Variants in PLEKHA8 observed in about 807,000 individuals in gnomAD.
The protein encoded by PLEKHA8 is pleckstrin homology domain containing A8.
PLEKHA8 carries 36 observed loss-of-function variants against 68.2 expected under a neutral mutation model. The ratio of observed to expected loss-of-function variants is 0.53; its 90% confidence interval spans 0.40 to 0.70. The LOEUF (loss-of-function observed/expected upper bound fraction) is 0.70, where lower values mean the gene tolerates loss of function less well. PLEKHA8 is among the 30% of genes least tolerant of loss of function. The pLI, the probability that PLEKHA8 is intolerant of heterozygous loss-of-function variation, is 0.00. For missense variants in PLEKHA8, 505 were observed against 615.4 expected (o/e 0.82, Z 1.90); for synonymous variants, 211 against 216.1 (o/e 0.98, Z 0.20).
At chr7:30,115,991 T>G (rs1224855738) in intron 13 of PLEKHA8, 1 of 135,250 alleles carries the variant, frequency 7.4e-6, no homozygotes, top group Non-Finnish European at 1.6e-5. Context: ...CATGTATGCA[T>G]ACGCATACAT....
intron 13 of PLEKHA8, among the ~76,000 whole-genome samples, chr7:30,103,590 G>A (rs1795947089): frequency 1.3e-5 from 2 of 152,212 alleles, no homozygotes; most frequent in South Asian, 2.1e-4. Context: ...TCCATGGGAC[G>A]AGAAAGTTCA....
chr7:30,071,472 A>G (rs1393061262), intron 12 of PLEKHA8, among the ~76,000 whole-genome samples: 2 of 152,178 alleles, frequency 1.3e-5, no homozygotes, highest in African/African-American at 4.8e-5. Flanking sequence ...CCCCCAACCC[A>G]GACTGGATTA....
chr7:30,083,187 C>G lies in PLEKHA8; in HGVS notation c.*4400C>G. On this transcript the variant is annotated 3_prime_UTR_variant, in exon 14 of 14. Coordinates refer to ENST00000449726, the MANE Select transcript of PLEKHA8 (RefSeq NM_001197026.2). ...TACTCTTTGTGATCTTGTAAGGGCT[C>G]TACACAAACTTCATTATGTATGGTA... The G allele has an allele frequency of 1.0e-6, 1 of 983,728 alleles. No homozygotes were observed. The allele number at this position is 983,728 out of a possible 1,614,324, so 60.9% of individuals were successfully genotyped here.
chr7:30,073,200 T>C (rs1053414714), intron 12 of PLEKHA8, among the ~76,000 whole-genome samples: 1 of 152,366 alleles, frequency 6.6e-6, no homozygotes, highest in African/African-American at 2.4e-5. Context: ...TTTAGCTTAA[T>C]AACTTCAAGC....
intron 8 of PLEKHA8, 56 bp from the exon 9 acceptor site, chr7:30,055,201 A>G (rs1792741784): frequency 6.8e-7 from 1 of 1,478,934 alleles, no homozygotes; most frequent in Non-Finnish European, 9.5e-7. Context: ...TCTGAATTGC[A>G]GAGTGCTGAT....
At position 30,115,791 on chromosome 7, in the gene PLEKHA8, C is replaced by T. The variant is rs1451673166; in HGVS notation, c.1363-13475C>T. The T allele has an allele frequency of 1.4e-5, 2 of 145,518 alleles. 1 individual carries two copies. The highest frequency in any genetic ancestry group is 5.5e-5 in the African/African-American group (2 of 36,358). 9.0% of individuals were successfully genotyped at this position (145,518 alleles called of 1,614,324 possible). A position where few individuals can be genotyped will look rare whatever the true frequency, so the allele number is the denominator to read the frequency against. On this transcript the variant is annotated intron_variant, in intron 13 of 13. Transcript: ENST00000396257. ...ACACGTATGCATGCATACATACGTG[C>T]ACATACATGTATACACGCATGCATG... is the stretch of plus-strand genomic sequence containing the variant.
chr7:30,061,839 G>GA, intron 10 of PLEKHA8, 58 bp from the exon 11 acceptor site: 1 of 1,601,132 alleles, frequency 6.2e-7, no homozygotes, highest in Non-Finnish European at 8.5e-7. Context: ...AGACTATACT[G>GA]AGTTGCTTGA....
In PLEKHA8 at chr7:30,056,746, T is replaced by TAA. The variant is rs1562870896; in HGVS notation, c.1039+1404_1039+1405insAA. Among the ~76,000 whole-genome samples the TAA allele has an allele frequency of 9.4e-3, 323 of 34,474 alleles. 9 individuals carry two copies. Among genetic ancestry groups the TAA allele is most frequent in the African/African-American group, 0.027 (301 of 11,252 alleles). 22.6% of individuals were successfully genotyped at this position (34,474 alleles called of 152,430 possible). ...TCTCAAAAAAAAAAAAAAAAAAGTG[T>TAA]GTGTGTGTGTGTGTGTGTGTGTGTG... On this transcript the variant is annotated intron_variant, in intron 9 of 13. Coordinates refer to ENST00000449726, the MANE Select transcript of PLEKHA8 (RefSeq NM_001197026.2).
chr7:30,129,106 T>C (rs1796831011), intron 13 of PLEKHA8, among the ~76,000 whole-genome samples: 1 of 152,208 alleles, frequency 6.6e-6, no homozygotes, highest in African/African-American at 2.4e-5. Context: ...TCATTCTCCT[T>C]TTCTTCCTTA....
chr7:30,038,213 A>T (rs1299060419), intron 1 of PLEKHA8, among the ~76,000 whole-genome samples: 1 of 152,168 alleles, frequency 6.6e-6, no homozygotes. Context: ...TAAAAAACTG[A>T]ACAAAATACA....
At chr7:30,123,237 A>T (rs1455455108) in intron 13 of PLEKHA8, among the ~76,000 whole-genome samples, 1 of 152,274 alleles carries the variant, frequency 6.6e-6, no homozygotes, top group Non-Finnish European at 1.5e-5. Flanking sequence ...TGGATGAAAC[A>T]GTAATGTCCA....
chr7:30,079,020 G>A lies in PLEKHA8; in HGVS notation c.*233G>A, dbSNP rs891439774. The A allele has an allele frequency of 3.9e-5, 51 of 1,297,276 alleles. No individual in the cohort carries two copies. The highest frequency in any genetic ancestry group is 6.0e-5 in the African/African-American group (4 of 67,054). The allele number at this position is 1,297,276 out of a possible 1,614,324, so 80.4% of individuals were successfully genotyped here. ...AGGCCTACTGGAAACCAAATGATAA[G>A]CTGCTGTAGACTTGAACAGCAAGTT... On this transcript the variant is annotated 3_prime_UTR_variant, in exon 14 of 14. Coordinates refer to ENST00000449726, the MANE Select transcript of PLEKHA8 (RefSeq NM_001197026.2).
chr7:30,059,136 G>C (rs764395846), intron 9 of PLEKHA8, among the ~76,000 whole-genome samples: 1 of 152,136 alleles, frequency 6.6e-6, no homozygotes, highest in Non-Finnish European at 1.5e-5. Context: ...CAAAAGCATT[G>C]AGTCTTCCAA....
In PLEKHA8 at chr7:30,084,241, T is replaced by C. The variant is rs556693104; in HGVS notation, c.*5454T>C. 53 of 985,302 alleles carry C rather than the reference T, an allele frequency of 5.4e-5. No homozygotes were observed. In the African/African-American group the frequency reaches 7.7e-4, roughly 14 times the overall value. The allele number at this position is 985,302 out of a possible 1,614,324, so 61.0% of individuals were successfully genotyped here. On this transcript the variant is annotated 3_prime_UTR_variant, in exon 14 of 14. Coordinates refer to ENST00000449726, the MANE Select transcript of PLEKHA8 (RefSeq NM_001197026.2). Reference sequence around the variant, plus strand: ...TTCCTTGGATTAATTTTTAAGTCACTGTTTAATTCCATGCCTAGTATTCTT... The same window carrying C: ...TTCCTTGGATTAATTTTTAAGTCACCGTTTAATTCCATGCCTAGTATTCTT...
intron 13 of PLEKHA8, among the ~76,000 whole-genome samples, chr7:30,114,454 C>G (rs930670467): frequency 6.6e-6 from 1 of 152,248 alleles, no homozygotes; most frequent in Non-Finnish European, 1.5e-5. Context: ...AGTTTCTGCG[C>G]TCTTAGCTAC....
chr7:30,079,571 A>T lies in PLEKHA8; in HGVS notation c.*784A>T. 4 of 866,524 alleles carry T rather than the reference A, an allele frequency of 4.6e-6. No individual in the cohort carries two copies. The highest frequency in any genetic ancestry group is 5.5e-6 in the Non-Finnish European group (4 of 721,726). 53.7% of individuals were successfully genotyped at this position (866,524 alleles called of 1,614,324 possible). On this transcript the variant is annotated 3_prime_UTR_variant, in exon 14 of 14. Coordinates refer to ENST00000449726, the MANE Select transcript of PLEKHA8 (RefSeq NM_001197026.2). ...TTGGACATCACAAGTAATGATACCCAGAGGGATTATTACTCCACTTCAAAA... is the reference window on the plus strand; with the variant it reads ...TTGGACATCACAAGTAATGATACCCTGAGGGATTATTACTCCACTTCAAAA...
chr7:30,115,680 A>G (rs923068149), intron 13 of PLEKHA8, among the ~76,000 whole-genome samples: 1 of 145,450 alleles, frequency 6.9e-6, no homozygotes, highest in Non-Finnish European at 1.5e-5. Context: ...ATACATACGC[A>G]CATACATGCA....
At chr7:30,097,836 A>G (rs1391196457) in intron 13 of PLEKHA8, among the ~76,000 whole-genome samples, 2 of 152,184 alleles carry the variant, frequency 1.3e-5, no homozygotes, top group Admixed American at 6.5e-5. Context: ...CGTCAAAGTC[A>G]TTCTCTGTCC....
intron 1 of PLEKHA8, among the ~76,000 whole-genome samples, chr7:30,043,173 T>C (rs995750730): frequency 1.3e-5 from 2 of 152,296 alleles, no homozygotes; most frequent in South Asian, 4.1e-4. Context: ...ATTTTTGTAT[T>C]TTTATTAGAG....
Sources: allele counts gnomAD v4.1 joint callset (sites outside exome capture counted in the v4.1 genomes callset), GRCh38; gene constraint gnomAD v4.1.1; transcripts MANE v1.5; gene names NCBI Gene and HGNC (gene_info 2026-07-23, HGNC 2026-07-21).